Variants in DNAH11 observed in about 807,000 individuals in gnomAD.
The protein encoded by DNAH11 is dynein axonemal heavy chain 11.
In DNAH11, 442 loss-of-function variants were observed where a neutral mutation model predicts 526.0. The ratio of observed to expected loss-of-function variants is 0.84; its 90% CI spans 0.78 to 0.91. The LOEUF (loss-of-function observed/expected upper bound fraction) is 0.91, where lower values mean the gene tolerates loss of function less well. Among genes scored for constraint, DNAH11 ranks in the 40% least tolerant of loss-of-function variants. The pLI is 0.00. For missense variants in DNAH11, 6,989 were observed against 5,448.7 expected (o/e 1.28, Z -8.90); for synonymous variants, 2,461 against 1,935.9 (o/e 1.27, Z -7.12).
rs1181200982 is a variant in DNAH11 at position 21,619,230 on chromosome 7, C to T, written c.4377+8C>T. The T allele has an allele frequency of 6.2e-7, 1 of 1,611,488 alleles. No individual in the cohort carries two copies. Among genetic ancestry groups the T allele is most frequent in the Non-Finnish European group, 8.5e-7 (1 of 1,178,756 alleles). ...GAGCTGGGGACTGAGAAGGTAGTGT[C>T]CTCGGGACTGGGTCATTTCTACTTG... On this transcript the variant is annotated splice_region_variant and intron_variant, in intron 24 of 81. Coordinates refer to ENST00000409508, the MANE Select transcript of DNAH11 (RefSeq NM_001277115.2).
chr7:21,878,834 G>A (rs1448990188), intron 74 of DNAH11, among the ~76,000 whole-genome samples: 1 of 152,058 alleles, frequency 6.6e-6, no homozygotes, highest in African/African-American at 2.4e-5. Context: ...ACTCACACTG[G>A]TTCTACATAT....
intron 45 of DNAH11, among the ~76,000 whole-genome samples, chr7:21,734,378 A>G (rs6979397): frequency 0.59 from 90,170 of 152,148 alleles, 29,705 homozygotes; most frequent in Non-Finnish European, 0.74. Flanking sequence ...TTAAAAGCAA[A>G]TGATGACAAC....
In DNAH11 at chr7:21,714,766, CTCTT is replaced by C. The variant is rs558723142; in HGVS notation, c.6983+2910_6983+2913del. Among the ~76,000 whole-genome samples the C allele has an allele frequency of 3.0e-3, 451 of 152,274 alleles. 2 individuals carry two copies. The highest frequency in any genetic ancestry group is 2.1e-3 in the Non-Finnish European group (144 of 68,020). ...TTTACCTCATTTACTTTCTCTCTCTCTCTTTCTCTGGCATAGAGGCACATTTTCT... is the reference window on the plus strand; with the variant it reads ...TTTACCTCATTTACTTTCTCTCTCTCTCTCTGGCATAGAGGCACATTTTCT... On this transcript the variant is annotated intron_variant, in intron 42 of 81. Transcript: ENST00000409508.
chr7:21,699,314 T>C (rs999077387), intron 36 of DNAH11, among the ~76,000 whole-genome samples: 14 of 152,216 alleles, frequency 9.2e-5, no homozygotes, highest in East Asian at 1.9e-4. Flanking sequence ...TCTCCAATCA[T>C]AAGCTTCTTG....
chr7:21,620,185 GA>G, intron 25 of DNAH11, 107 bp downstream of exon 25: 2 of 1,016,118 alleles, frequency 2.0e-6, no homozygotes, highest in South Asian at 4.3e-5. Context: ...TTACAATGTG[GA>G]AAGATTAAAT....
intron 28 of DNAH11, among the ~76,000 whole-genome samples, chr7:21,646,987 T>A (rs2128462556): frequency 6.6e-6 from 1 of 152,100 alleles, no homozygotes. Flanking sequence ...AAGAGACAAA[T>A]CAAAACTGAC....
In DNAH11 at chr7:21,558,049, A is replaced by T. The variant is rs144221111; in HGVS notation, c.496-753A>T. On this transcript the variant is annotated intron_variant, in intron 2 of 81. Transcript: ENST00000409508. ...GATTGTATTGTCAAACTAAACTCTA[A>T]AAAGGTAGAATAAACATTTTCTGAG... 3.3e-5 allele frequency among the ~76,000 whole-genome samples: 5 copies of T among 152,350 alleles called. No individual in the cohort carries two copies. In the East Asian group the frequency reaches 9.6e-4, roughly 29 times the overall value.
intron 51 of DNAH11, among the ~76,000 whole-genome samples, chr7:21,745,709 C>G (rs1006482419): frequency 6.6e-6 from 1 of 152,120 alleles, no homozygotes; most frequent in Non-Finnish European, 1.5e-5. Context: ...AACAACTAAA[C>G]AAGAGAATAA....
At chr7:21,777,771 A>C (rs1787742217) in intron 56 of DNAH11, among the ~76,000 whole-genome samples, 1 of 152,208 alleles carries the variant, frequency 6.6e-6, no homozygotes, top group Non-Finnish European at 1.5e-5. Flanking sequence ...CTGAAAAATC[A>C]GTCATAGCTT....
intron 54 of DNAH11, among the ~76,000 whole-genome samples, chr7:21,752,885 T>C (rs1387375970): frequency 6.6e-6 from 1 of 152,094 alleles, no homozygotes; most frequent in African/African-American, 2.4e-5. Flanking sequence ...GCTAATTTTT[T>C]GTATTTTTAG....
In DNAH11 at chr7:21,591,280, G is replaced by A. The variant is rs1259622674; in HGVS notation, c.2370G>A (p.Arg790=). The A allele has an allele frequency of 1.2e-6, 2 of 1,613,162 alleles. No individual in the cohort carries two copies. The highest frequency in any genetic ancestry group is 1.7e-6 in the Non-Finnish European group (2 of 1,179,374). Residue 790 remains arginine, a synonymous_variant, in exon 14 of 82, where the codon AGG becomes AGA. Transcript: ENST00000409508. The part of the protein sequence containing the change: ...VEYPLIEDEL[R]AIDEQLTAAT... ...ACCCTCTGATTGAAGATGAGCTGAG[G>A]GCTATTGACGAGCAGCTGACAGCAG...
At chr7:21,781,846 G>C (rs570458365) in intron 57 of DNAH11, among the ~76,000 whole-genome samples, 83 of 152,316 alleles carry the variant, frequency 5.4e-4, no homozygotes, top group Non-Finnish European at 4.4e-5. Context: ...CAAGATCAAA[G>C]TATTGGCAAG....
chr7:21,877,874 C>CAAAAAAAAAAAAAAAAAAA, intron 74 of DNAH11, among the ~76,000 whole-genome samples: 1 of 66,608 alleles, frequency 1.5e-5, no homozygotes, highest in Non-Finnish European at 2.5e-5. Flanking sequence ...GACTCCATCT[C>CAAAAAAAAAAAAAAAAAAA]AAAAAAAAAA....
chr7:21,797,073 A>T (rs780227686), intron 61 of DNAH11, among the ~76,000 whole-genome samples: 1 of 152,202 alleles, frequency 6.6e-6, no homozygotes, highest in Non-Finnish European at 1.5e-5. Context: ...AAACAGCAGG[A>T]ATAGAGTTTT....
At chr7:21,851,119 A>T (rs1782615234) in intron 66 of DNAH11, 1 of 155,952 alleles carries the variant, frequency 6.4e-6, no homozygotes, top group South Asian at 1.9e-4. Flanking sequence ...TGTAGTTCCC[A>T]TAATCCCCGT....
At chr7:21,633,767 C>T (rs1473543024) in intron 25 of DNAH11, among the ~76,000 whole-genome samples, 2 of 152,210 alleles carry the variant, frequency 1.3e-5, no homozygotes, top group African/African-American at 2.4e-5. Flanking sequence ...CCAGGGAGGG[C>T]CTTAGAAGAT....
intron 45 of DNAH11, among the ~76,000 whole-genome samples, chr7:21,732,936 C>G (rs184839694): frequency 6.6e-6 from 1 of 152,206 alleles, no homozygotes; most frequent in African/African-American, 2.4e-5. Context: ...CATGTGCCAC[C>G]TGTAACCCAG....
chr7:21,838,952 AT>A (rs1782100961), intron 65 of DNAH11, among the ~76,000 whole-genome samples: 1 of 152,118 alleles, frequency 6.6e-6, no homozygotes, highest in Non-Finnish European at 1.5e-5. Flanking sequence ...TTATGTTCCC[AT>A]TAGCAGTGTA....
At chr7:21,639,536 C>T (rs922229194) in intron 28 of DNAH11, among the ~76,000 whole-genome samples, 1 of 152,138 alleles carries the variant, frequency 6.6e-6, no homozygotes, top group Admixed American at 6.5e-5. Context: ...CAGGATCATC[C>T]CGAATTAACC....
Sources: allele counts gnomAD v4.1 joint callset (sites outside exome capture counted in the v4.1 genomes callset), GRCh38; gene constraint gnomAD v4.1.1; transcripts MANE v1.5; gene names NCBI Gene and HGNC (gene_info 2026-07-23, HGNC 2026-07-21).